BRD7: variants seen among roughly 807,000 people sequenced by gnomAD.
The protein encoded by BRD7 is bromodomain containing 7.
A neutral mutation model predicts 82.1 loss-of-function variants in BRD7; 15 were observed. The observed-to-expected ratio is 0.18, with a 90% CI of 0.12 to 0.28. The LOEUF (loss-of-function observed/expected upper bound fraction) is 0.28, where lower values mean the gene tolerates loss of function less well. BRD7 is among the 10% of genes least tolerant of loss of function. The pLI, the probability that BRD7 is intolerant of heterozygous loss-of-function variation, is 1.00. For missense variants in BRD7, 638 were observed against 779.9 expected (o/e 0.82, Z 2.17); for synonymous variants, 232 against 266.9 (o/e 0.87, Z 1.27).
intron 2 of BRD7, among the ~76,000 whole-genome samples, chr16:50,355,403 C>G (rs1378291786): frequency 6.6e-6 from 1 of 152,054 alleles, no homozygotes; most frequent in Non-Finnish European, 1.5e-5. Flanking sequence ...GAAGAGTGAA[C>G]GATTAAGAAC....
chr16:50,318,934 G>T lies in BRD7; in HGVS notation c.*277C>A. Reference sequence around the variant, plus strand: ...CGTTTTAAGAACGCTTCTTAGTGATGATCCTGTCTGTGGGACATAAGGAAG... The same window carrying T: ...CGTTTTAAGAACGCTTCTTAGTGATTATCCTGTCTGTGGGACATAAGGAAG... On this transcript the variant is annotated 3_prime_UTR_variant, in exon 17 of 17. Coordinates refer to ENST00000394688, the MANE Select transcript of BRD7 (RefSeq NM_013263.5). 6 of 328,734 alleles carry T rather than the reference G, an allele frequency of 1.8e-5. No homozygotes were observed. The highest frequency in any genetic ancestry group is 5.2e-5 in the East Asian group (1 of 19,118). 20.4% of individuals were successfully genotyped at this position (328,734 alleles called of 1,614,324 possible).
intron 8 of BRD7, 87 bp from the exon 9 acceptor site, chr16:50,328,831 G>A: frequency 1.6e-6 from 2 of 1,243,924 alleles, no homozygotes; most frequent in Admixed American, 4.1e-5. Flanking sequence ...TGATACCAGA[G>A]TGTTGTGGAT....
At chr16:50,346,183 G>A (rs1005642366) in intron 5 of BRD7, among the ~76,000 whole-genome samples, 3 of 152,188 alleles carry the variant, frequency 2.0e-5, no homozygotes, top group Admixed American at 6.5e-5. Flanking sequence ...GGTACATAAC[G>A]AAATGAAGGC....
At chr16:50,357,571 T>C (rs2038783095) in intron 2 of BRD7, among the ~76,000 whole-genome samples, 1 of 152,066 alleles carries the variant, frequency 6.6e-6, no homozygotes, top group African/African-American at 2.4e-5. Context: ...TCCTATTAAA[T>C]GTGACCTGTG....
chr16:50,319,813 A>G, intron 16 of BRD7, 74 bp downstream of exon 16: 10 of 1,538,086 alleles, frequency 6.5e-6, no homozygotes, highest in Non-Finnish European at 8.7e-6. Context: ...CCTGATACCA[A>G]TCTCGGGCAG....
intron 2 of BRD7, among the ~76,000 whole-genome samples, chr16:50,365,066 G>T (rs969011002): frequency 6.6e-6 from 1 of 152,206 alleles, no homozygotes; most frequent in African/African-American, 2.4e-5. Flanking sequence ...CGTATGCAGA[G>T]AGGTGGACAC....
At chr16:50,328,475 T>C (rs4785409) in intron 9 of BRD7, among the ~76,000 whole-genome samples, 194 bp downstream of exon 9, 22,759 of 152,228 alleles carry the variant, frequency 0.15, 2,131 homozygotes, top group Non-Finnish European at 0.21. Flanking sequence ...AAACTTGATA[T>C]ACTGTACCTA....
intron 11 of BRD7, 97 bp from the exon 12 acceptor site, chr16:50,323,795 A>G (rs1397586865): frequency 3.9e-6 from 3 of 762,738 alleles, no homozygotes; most frequent in Non-Finnish European, 6.7e-6. Context: ...CCTCGGTTAT[A>G]CATCATGACA....
At chr16:50,323,802 G>T (rs762200252) in intron 11 of BRD7, 104 bp from the exon 12 acceptor site, 149 of 745,388 alleles carry the variant, frequency 2.0e-4, no homozygotes, top group Non-Finnish European at 3.2e-4. Context: ...TATACATCAT[G>T]ACATCAAATT....
At chr16:50,359,642 G>C (rs1044087556) in intron 2 of BRD7, among the ~76,000 whole-genome samples, 1 of 152,122 alleles carries the variant, frequency 6.6e-6, no homozygotes, top group Non-Finnish European at 1.5e-5. Flanking sequence ...AAATAAACAT[G>C]TTTACAACTA....
Position 50,330,336 on chromosome 16 carries a change from ACT to A in BRD7, c.1012-1594_1012-1593del, listed in dbSNP as rs1491559875. 2.0e-3 allele frequency among the ~76,000 whole-genome samples: 284 copies of A among 139,742 alleles called. 10 individuals are homozygous for A. Among genetic ancestry groups the A allele is most frequent in the South Asian group, 0.012 (54 of 4,444 alleles). 91.7% of individuals were successfully genotyped at this position (139,742 alleles called of 152,430 possible). A position where few individuals can be genotyped will look rare whatever the true frequency, so the allele number is the denominator to read the frequency against. The stretch of plus-strand genomic sequence containing the variant: ...AAACAAGTTAAGTTGAAAAGAGGAC[ACT>A]TTTTTTTTTTTTTTTTTTTTGAGAC... On this transcript the variant is annotated intron_variant, in intron 8 of 16. Coordinates refer to ENST00000394688, the MANE Select transcript of BRD7 (RefSeq NM_013263.5).
chr16:50,367,647 C>T (rs939407578), intron 2 of BRD7, among the ~76,000 whole-genome samples: 1 of 152,224 alleles, frequency 6.6e-6, no homozygotes, highest in African/African-American at 2.4e-5. Flanking sequence ...TCTCAACACA[C>T]TACAACACTG....
chr16:50,326,024 C>T, intron 10 of BRD7, 141 bp from the exon 11 acceptor site: 1 of 923,626 alleles, frequency 1.1e-6, no homozygotes, highest in Non-Finnish European at 1.6e-6. Flanking sequence ...TTCTCTCAAA[C>T]AGGTACTTGT....
intron 14 of BRD7, 110 bp from the exon 15 acceptor site, chr16:50,320,501 A>G (rs185060993): frequency 1.3e-5 from 20 of 1,501,338 alleles, no homozygotes; most frequent in Admixed American, 7.3e-5. Flanking sequence ...TCAAAAGAGT[A>G]ATCCGCTTGA....
At chr16:50,363,544 C>A (rs1037214942) in intron 2 of BRD7, among the ~76,000 whole-genome samples, 6 of 152,172 alleles carry the variant, frequency 3.9e-5, no homozygotes, top group African/African-American at 1.4e-4. Context: ...CCCGTTGGGG[C>A]ATTTTAAACT....
chr16:50,364,560 T>C (rs1394160188), intron 2 of BRD7, among the ~76,000 whole-genome samples: 1 of 152,190 alleles, frequency 6.6e-6, no homozygotes. Flanking sequence ...CAGAAGAGAC[T>C]GTGGATATGA....
Position 50,368,232 on chromosome 16 carries a change from G to A in BRD7, c.116C>T (p.Thr39Met), listed in dbSNP as rs1434199776. The A allele has an allele frequency of 6.2e-7, 1 of 1,614,084 alleles. No individual in the cohort carries two copies. Among genetic ancestry groups the A allele is most frequent in the Non-Finnish European group, 8.5e-7 (1 of 1,180,044 alleles). ...GCTGGAGTCGTGCCCCGAGCTGCCC[G>A]TGGAGAGTTCGGTGACTTCGTTCCC... ...VGGNEVTELS[T>M]GSSGHDSSLF... Residue 39 changes from threonine to methionine, a missense_variant, in exon 2 of 17, where the codon ACG becomes ATG. This residue lies in a region of BRD7 where 172 missense variants were observed against 155.3 expected (regional missense o/e 1.11). Transcript: ENST00000394688.
chr16:50,327,794 T>A (rs2037401972), intron 9 of BRD7, among the ~76,000 whole-genome samples: 1 of 152,182 alleles, frequency 6.6e-6, no homozygotes, highest in African/African-American at 2.4e-5. Context: ...AAGGACAGAC[T>A]TCTCTTTATG....
Position 50,328,586 on chromosome 16 carries a change from C to G in BRD7, c.1087+83G>C, listed in dbSNP as rs546260359. On this transcript the variant is annotated intron_variant, in intron 9 of 16. Coordinates refer to ENST00000394688, the MANE Select transcript of BRD7 (RefSeq NM_013263.5). ...TGACACAGACTGATCAATATTCAAGCTTGTTGCTTTAAAATGTTAACCCAG... is the reference window on the plus strand; with the variant it reads ...TGACACAGACTGATCAATATTCAAGGTTGTTGCTTTAAAATGTTAACCCAG... 1.1e-5 allele frequency: 13 copies of G among 1,193,990 alleles called. No individual in the cohort carries two copies. In the African/African-American group the frequency reaches 1.7e-4, roughly 15 times the overall value. The allele number at this position is 1,193,990 out of a possible 1,614,324, so 74.0% of individuals were successfully genotyped here.
Sources: gnomAD v4.1 joint callset for allele counts (sites outside exome capture counted in the v4.1 genomes callset) on GRCh38, gnomAD v4.1.1 for gene constraint, gnomAD v4.1.1 regional missense constraint, MANE v1.5 for transcripts, NCBI Gene and HGNC (gene_info 2026-07-23, HGNC 2026-07-21) for gene names.